The following AGBL4 variants were observed in gnomAD, a reference collection of about 807,000 sequenced individuals.
The protein encoded by AGBL4 is AGBL carboxypeptidase 4.
In AGBL4, 58 loss-of-function variants were observed where a neutral mutation model predicts 66.4. The observed-to-expected ratio is 0.87, with a 90% CI of 0.71 to 1.09. The LOEUF is 1.09. Among genes scored for constraint, AGBL4 ranks in the 50% least tolerant of loss-of-function variants. The probability of loss-of-function intolerance (pLI) is 0.00; values close to 1 mark genes in which losing one functional copy is unlikely to be tolerated. For synonymous variants in AGBL4, 234 were observed against 222.9 expected (o/e 1.05, Z -0.44); for missense variants, 579 against 631.0 (o/e 0.92, Z 0.88).
intron 2 of AGBL4, among the ~76,000 whole-genome samples, chr1:49,751,485 G>T (rs1651459337): frequency 6.6e-6 from 1 of 152,204 alleles, no homozygotes; most frequent in Non-Finnish European, 1.5e-5. Context: ...TGGTTTGCCA[G>T]AATTTTATTG....
At chr1:49,748,730 G>A (rs559503416) in intron 2 of AGBL4, among the ~76,000 whole-genome samples, 1 of 152,242 alleles carries the variant, frequency 6.6e-6, no homozygotes, top group African/African-American at 2.4e-5. Flanking sequence ...TTTCATTGTG[G>A]TTTTAATTTA....
At chr1:49,390,398 T>C (rs1161868218) in intron 3 of AGBL4, among the ~76,000 whole-genome samples, 1 of 152,158 alleles carries the variant, frequency 6.6e-6, no homozygotes, top group Non-Finnish European at 1.5e-5. Context: ...TTGCAATATA[T>C]CCTAAGAACA....
intron 3 of AGBL4, among the ~76,000 whole-genome samples, chr1:49,468,701 A>T (rs561981723): frequency 6.6e-6 from 1 of 151,852 alleles, no homozygotes; most frequent in African/African-American, 2.4e-5. Flanking sequence ...TCTTCACATC[A>T]TTTCCAATAC....
intron 3 of AGBL4, among the ~76,000 whole-genome samples, chr1:49,480,484 GT>G (rs1003474534): frequency 1.3e-4 from 19 of 146,372 alleles, no homozygotes; most frequent in South Asian, 2.2e-4. Context: ...TAATGGAGTT[GT>G]TTTTTTTTTC....
intron 2 of AGBL4, among the ~76,000 whole-genome samples, chr1:49,780,449 A>G (rs1644309495): frequency 6.6e-6 from 1 of 152,090 alleles, no homozygotes; most frequent in Non-Finnish European, 1.5e-5. Context: ...GATTCATATA[A>G]TAAACTCTAT....
At chr1:49,591,622 A>G (rs1189573238) in intron 3 of AGBL4, among the ~76,000 whole-genome samples, 1 of 152,192 alleles carries the variant, frequency 6.6e-6, no homozygotes, top group African/African-American at 2.4e-5. Context: ...AAGAGTTCAA[A>G]TAGCCAAGGC....
At chr1:49,199,030 T>C (rs1647472372) in intron 4 of AGBL4, among the ~76,000 whole-genome samples, 1 of 152,196 alleles carries the variant, frequency 6.6e-6, no homozygotes, top group Non-Finnish European at 1.5e-5. Context: ...GTCTTCCACT[T>C]CTGTGTCCTT....
At chr1:48,759,023 G>C (rs1644108522) in intron 6 of AGBL4, 1 of 1,614,016 alleles carries the variant, frequency 6.2e-7, no homozygotes. Context: ...AGCTGCCTCC[G>C]AGTCCGCTCC....
At chr1:48,986,181 T>A (rs916799541) in intron 5 of AGBL4, among the ~76,000 whole-genome samples, 1 of 151,990 alleles carries the variant, frequency 6.6e-6, no homozygotes, top group Admixed American at 6.6e-5. Context: ...GGGACAACTT[T>A]AATTATCCTA....
At chr1:49,148,853 TC>T (rs1409726588) in intron 4 of AGBL4, among the ~76,000 whole-genome samples, 1 of 152,246 alleles carries the variant, frequency 6.6e-6, no homozygotes, top group East Asian at 1.9e-4. Flanking sequence ...TTGTCCCATG[TC>T]CCAGTTCCAG....
chr1:49,576,155 G>A (rs1644432601), intron 3 of AGBL4, among the ~76,000 whole-genome samples: 2 of 152,292 alleles, frequency 1.3e-5, no homozygotes, highest in Admixed American at 1.3e-4. Flanking sequence ...AACCAAGAAA[G>A]AGGCACAACA....
intron 5 of AGBL4, among the ~76,000 whole-genome samples, chr1:48,895,445 G>C (rs965708124): frequency 2.6e-5 from 4 of 152,214 alleles, no homozygotes; most frequent in African/African-American, 9.6e-5. Context: ...ACAGCAAGGT[G>C]CTTAGCATGT....
At chr1:49,792,950 A>T (rs1462591164) in intron 2 of AGBL4, among the ~76,000 whole-genome samples, 1 of 152,040 alleles carries the variant, frequency 6.6e-6, no homozygotes, top group Admixed American at 6.6e-5. Flanking sequence ...AATAATATGC[A>T]TTTCATATGG....
At chr1:49,337,473 A>AT (rs1645460029) in intron 3 of AGBL4, among the ~76,000 whole-genome samples, 1 of 152,196 alleles carries the variant, frequency 6.6e-6, no homozygotes, top group South Asian at 2.1e-4. Flanking sequence ...TAGCCCTCAT[A>AT]TTGGCAGTCA....
At chr1:48,646,905 A>G (rs1645845791) in intron 8 of AGBL4, among the ~76,000 whole-genome samples, 1 of 152,178 alleles carries the variant, frequency 6.6e-6, no homozygotes, top group South Asian at 2.1e-4. Context: ...GTGAGGAGAC[A>G]CTTACATACT....
intron 4 of AGBL4, among the ~76,000 whole-genome samples, chr1:49,185,167 T>C (rs749780266): frequency 6.6e-6 from 1 of 152,168 alleles, no homozygotes; most frequent in African/African-American, 2.4e-5. Flanking sequence ...CCATATTGTG[T>C]TCCATAGGCT....
At chr1:49,415,900 A>G (rs1398353456) in intron 3 of AGBL4, among the ~76,000 whole-genome samples, 1 of 152,102 alleles carries the variant, frequency 6.6e-6, no homozygotes, top group Non-Finnish European at 1.5e-5. Flanking sequence ...GTGTCTTCCC[A>G]CCATACCCCA....
intron 4 of AGBL4, among the ~76,000 whole-genome samples, chr1:49,169,165 A>C (rs1646686710): frequency 6.6e-6 from 1 of 152,202 alleles, no homozygotes; most frequent in South Asian, 2.1e-4. Flanking sequence ...TTAGACTAGC[A>C]AAGCCATATA....
intron 2 of AGBL4, among the ~76,000 whole-genome samples, chr1:49,747,966 G>T (rs1651126161): frequency 6.6e-6 from 1 of 151,772 alleles, no homozygotes; most frequent in Admixed American, 6.6e-5. Flanking sequence ...GTGTGTGTGT[G>T]TGTGTGTGCA....
Sources: gnomAD v4.1 joint callset for allele counts (sites outside exome capture counted in the v4.1 genomes callset) on GRCh38, gnomAD v4.1.1 for gene constraint, MANE v1.5 for transcripts, NCBI Gene and HGNC (gene_info 2026-07-23, HGNC 2026-07-21) for gene names.